The following FGF14 variants were observed in gnomAD, a reference collection of about 807,000 sequenced individuals.
FGF14 encodes fibroblast growth factor 14.
In FGF14, 5 loss-of-function variants were observed where a neutral mutation model predicts 25.5. The observed-to-expected ratio is 0.20, with a 90% CI of 0.10 to 0.41. The LOEUF is 0.41. FGF14 is among the 10% of genes least tolerant of loss of function. The pLI is 1.00. For missense variants in FGF14, 222 were observed against 320.1 expected (o/e 0.69, Z 2.34); for synonymous variants, 138 against 118.3 (o/e 1.17, Z -1.08).
chr13:101,792,645 A>G lies in FGF14; in HGVS notation c.409-65835T>C, dbSNP rs570475297. On this transcript the variant is annotated intron_variant, in intron 3 of 4. Transcript: ENST00000376143. ...TTAGTTGTAAATCCAACATCATAAA[A>G]CAAATCTTGTGCACAAGTATTTTCT... Among the ~76,000 whole-genome samples, 17 of 152,296 alleles carry G rather than the reference A, an allele frequency of 1.1e-4. No homozygotes were observed. In the East Asian group the frequency reaches 3.3e-3, roughly 29 times the overall value.
At chr13:102,136,479 T>A (rs1256683375) in intron 1 of FGF14, among the ~76,000 whole-genome samples, 3 of 151,998 alleles carry the variant, frequency 2.0e-5, no homozygotes, top group Non-Finnish European at 4.4e-5. Context: ...CAACAGAAAA[T>A]AATCAGCTCC....
chr13:101,857,929 A>G (rs1367023542), intron 3 of FGF14, among the ~76,000 whole-genome samples: 1 of 152,074 alleles, frequency 6.6e-6, no homozygotes, highest in Non-Finnish European at 1.5e-5. Flanking sequence ...TATTTTGCCA[A>G]TTTTTAGTAT....
At chr13:101,880,837 T>G (rs1160488901) in intron 1 of FGF14, among the ~76,000 whole-genome samples, 2 of 152,204 alleles carry the variant, frequency 1.3e-5, no homozygotes, top group Non-Finnish European at 2.9e-5. Flanking sequence ...GAATTCACTT[T>G]CTGTTTTGTT....
At chr13:102,393,363 G>A (rs2058480755) in intron 1 of FGF14, among the ~76,000 whole-genome samples, 1 of 152,032 alleles carries the variant, frequency 6.6e-6, no homozygotes, top group Non-Finnish European at 1.5e-5. Context: ...ACTAAGTTTT[G>A]TTTTTTGTTT....
intron 1 of FGF14, among the ~76,000 whole-genome samples, chr13:101,909,927 T>C (rs1302332295): frequency 2.0e-5 from 3 of 152,178 alleles, no homozygotes; most frequent in African/African-American, 7.2e-5. Flanking sequence ...AAATGATGAG[T>C]TAATGTCCTT....
At chr13:101,866,958 G>A (rs2044742179) in intron 3 of FGF14, among the ~76,000 whole-genome samples, 1 of 152,136 alleles carries the variant, frequency 6.6e-6, no homozygotes, top group African/African-American at 2.4e-5. Flanking sequence ...ACATCTGTAA[G>A]TCAGAGAATA....
intron 1 of FGF14, among the ~76,000 whole-genome samples, chr13:101,892,503 A>G (rs939477242): frequency 4.1e-4 from 62 of 152,172 alleles, no homozygotes; most frequent in Admixed American, 2.6e-4. Context: ...TGAACATGTG[A>G]AGTAAAAGGA....
At chr13:102,226,219 A>G (rs939722447) in intron 1 of FGF14, among the ~76,000 whole-genome samples, 1 of 152,176 alleles carries the variant, frequency 6.6e-6, no homozygotes, top group Admixed American at 6.6e-5. Context: ...GAACTTGGTC[A>G]TTTATTGGCT....
intron 3 of FGF14, among the ~76,000 whole-genome samples, chr13:101,814,968 T>C (rs2041767321): frequency 6.8e-6 from 1 of 146,222 alleles, no homozygotes; most frequent in Admixed American, 6.8e-5. Flanking sequence ...AATAAAAGAC[T>C]CAAAGAGACT....
intron 1 of FGF14, among the ~76,000 whole-genome samples, chr13:102,209,205 A>T (rs919028795): frequency 2.0e-5 from 3 of 152,210 alleles, no homozygotes; most frequent in Admixed American, 6.5e-5. Flanking sequence ...GTTGGGTATG[A>T]GGTTCCTTAT....
chr13:101,862,608 C>T (rs949070460), intron 3 of FGF14, among the ~76,000 whole-genome samples: 1 of 152,038 alleles, frequency 6.6e-6, no homozygotes, highest in Admixed American at 6.6e-5. Context: ...CAGTTAGTGA[C>T]CCTAAGTAGA....
At chr13:102,350,509 G>GATGGGAA (rs2057245480) in intron 1 of FGF14, among the ~76,000 whole-genome samples, 1 of 152,274 alleles carries the variant, frequency 6.6e-6, no homozygotes, top group African/African-American at 2.4e-5. Context: ...TGGAAACTCT[G>GATGGGAA]ATGGGTCTTG....
At chr13:102,046,196 G>A (rs761630667) in intron 1 of FGF14, among the ~76,000 whole-genome samples, 1 of 152,018 alleles carries the variant, frequency 6.6e-6, no homozygotes, top group African/African-American at 2.4e-5. Flanking sequence ...CAATTCCTAC[G>A]GGGCTGATTT....
intron 1 of FGF14, among the ~76,000 whole-genome samples, chr13:102,103,970 C>CTT (rs777574713): frequency 1.7e-4 from 26 of 152,176 alleles, no homozygotes; most frequent in Non-Finnish European, 3.4e-4. Context: ...GACCTTCTCA[C>CTT]TTCCCACTGT....
At chr13:101,953,736 A>G (rs968951292) in intron 1 of FGF14, among the ~76,000 whole-genome samples, 1 of 151,716 alleles carries the variant, frequency 6.6e-6, no homozygotes, top group African/African-American at 2.4e-5. Flanking sequence ...GATTACAGGC[A>G]CGTGCCAACA....
chr13:102,343,967 C>T (rs1017693313), intron 1 of FGF14, among the ~76,000 whole-genome samples: 2 of 152,190 alleles, frequency 1.3e-5, no homozygotes, highest in African/African-American at 4.8e-5. Context: ...GTTTTTCGTA[C>T]TCTGTCACAG....
chr13:102,219,775 T>C (rs1697732361), intron 1 of FGF14, among the ~76,000 whole-genome samples: 2 of 152,198 alleles, frequency 1.3e-5, no homozygotes, highest in Admixed American at 1.3e-4. Flanking sequence ...GATTTTCTTT[T>C]AGTTAAGCCT....
chr13:102,348,992 T>G (rs904457723), intron 1 of FGF14, among the ~76,000 whole-genome samples: 6 of 152,210 alleles, frequency 3.9e-5, no homozygotes, highest in Admixed American at 1.3e-4. Flanking sequence ...TTCTCCACTC[T>G]GGCCATTTTG....
At chr13:102,287,302 C>T (rs2141244900) in intron 1 of FGF14, among the ~76,000 whole-genome samples, 1 of 152,272 alleles carries the variant, frequency 6.6e-6, no homozygotes, top group African/African-American at 2.4e-5. Flanking sequence ...TGGTGTAATA[C>T]TAAGACAATG....
Sources: gnomAD v4.1 joint callset for allele counts (sites outside exome capture counted in the v4.1 genomes callset) on GRCh38, gnomAD v4.1.1 for gene constraint, MANE v1.5 for transcripts, NCBI Gene and HGNC (gene_info 2026-07-23, HGNC 2026-07-21) for gene names.